Variants in UNC13C observed in about 807,000 individuals in gnomAD.
UNC13C encodes the protein unc-13 homolog C, also known as protein unc-13 homolog C.
In UNC13C, 174 loss-of-function variants were observed where a neutral mutation model predicts 245.4. That is an observed-to-expected ratio of 0.71 (90% CI 0.63 to 0.80). The LOEUF (loss-of-function observed/expected upper bound fraction) is 0.80. UNC13C is among the 30% of genes least tolerant of loss of function. UNC13C has a pLI of 0.00. For missense variants in UNC13C, 2,829 were observed against 2,602.9 expected, an observed-to-expected ratio of 1.09 and a Z score of -1.89; for synonymous variants, 992 against 895.1, an observed-to-expected ratio of 1.11 and a Z score of -1.93.
At chr15:54,096,399 A>C (rs1036888847) in intron 2 of UNC13C, among the ~76,000 whole-genome samples, 1 of 152,130 alleles carries the variant, frequency 6.6e-6, no homozygotes, top group African/African-American at 2.4e-5. Flanking sequence ...GCAAATTTTA[A>C]GAGAGGAACA....
At chr15:54,569,632 T>C (rs532352076) in intron 30 of UNC13C, among the ~76,000 whole-genome samples, 1 of 152,120 alleles carries the variant, frequency 6.6e-6, no homozygotes, top group Non-Finnish European at 1.5e-5. Flanking sequence ...CTATGGTATA[T>C]GGAATTTGGC....
chr15:54,363,728 A>G (rs1660067606), intron 17 of UNC13C, among the ~76,000 whole-genome samples: 1 of 152,184 alleles, frequency 6.6e-6, no homozygotes, highest in Admixed American at 6.5e-5. Flanking sequence ...TATTTGGGTA[A>G]GCTGTCTGTG....
intron 4 of UNC13C, among the ~76,000 whole-genome samples, chr15:54,155,178 T>G (rs2032689515): frequency 6.6e-6 from 1 of 152,182 alleles, no homozygotes; most frequent in Admixed American, 6.6e-5. Context: ...CATGCATGTG[T>G]GGTCAGCCCA....
At chr15:54,322,940 T>C (rs919528115) in intron 14 of UNC13C, among the ~76,000 whole-genome samples, 2 of 151,746 alleles carry the variant, frequency 1.3e-5, no homozygotes, top group African/African-American at 2.4e-5. Context: ...ATTCCCAGGT[T>C]TCTGGTCAGG....
intron 18 of UNC13C, among the ~76,000 whole-genome samples, chr15:54,395,484 G>C (rs1451175623): frequency 6.6e-6 from 1 of 151,852 alleles, no homozygotes; most frequent in African/African-American, 2.4e-5. Flanking sequence ...AATTGACACA[G>C]AAGTCTGCAA....
At position 54,103,578 on chromosome 15, in the gene UNC13C, G is replaced by A. The variant is rs186330558; in HGVS notation, c.2984-39440G>A. Among the ~76,000 whole-genome samples, 419 of 152,130 alleles carry A rather than the reference G, an allele frequency of 2.8e-3. 4 individuals are homozygous for A. Among genetic ancestry groups the A allele is most frequent in the African/African-American group, 9.8e-3 (405 of 41,502 alleles). On this transcript the variant is annotated intron_variant, in intron 2 of 32. Transcript: ENST00000260323. The stretch of plus-strand genomic sequence containing the variant: ...CCCAACACAATCCTTCTACTAAATT[G>A]TCTTAGCTGACTATCTTGTTTCCCT...
At chr15:54,278,302 A>T (rs1016268993) in intron 10 of UNC13C, among the ~76,000 whole-genome samples, 4 of 152,146 alleles carry the variant, frequency 2.6e-5, no homozygotes, top group African/African-American at 9.7e-5. Context: ...AAGTTTCTTT[A>T]CTGCTCCCTA....
At chr15:54,094,547 C>T (rs1379415642) in intron 2 of UNC13C, among the ~76,000 whole-genome samples, 1 of 152,152 alleles carries the variant, frequency 6.6e-6, no homozygotes, top group Non-Finnish European at 1.5e-5. Flanking sequence ...TTTAAAACAA[C>T]TGTTTGTCTT....
intron 2 of UNC13C, chr15:54,050,079 C>T: frequency 3.1e-6 from 1 of 323,630 alleles, no homozygotes; most frequent in Non-Finnish European, 6.1e-6. Context: ...AAGCAATTCT[C>T]CTGCCTCAGC....
At chr15:54,527,323 A>G (rs1398546280) in intron 25 of UNC13C, among the ~76,000 whole-genome samples, 1 of 152,176 alleles carries the variant, frequency 6.6e-6, no homozygotes, top group African/African-American at 2.4e-5. Context: ...ACATGGGGTT[A>G]GCAGAAAGAC....
chr15:54,039,884 A>G (rs1896741508), intron 2 of UNC13C, among the ~76,000 whole-genome samples: 1 of 149,826 alleles, frequency 6.7e-6, no homozygotes, highest in East Asian at 2.0e-4. Flanking sequence ...ACTGGATGCA[A>G]TGGCCTCCCT....
At chr15:54,166,375 T>C (rs1278995860) in intron 4 of UNC13C, among the ~76,000 whole-genome samples, 1 of 152,094 alleles carries the variant, frequency 6.6e-6, no homozygotes, top group Non-Finnish European at 1.5e-5. Context: ...CTTAAAAATA[T>C]TATTTCTCCA....
chr15:53,876,895 A>C, the UNC13C span, among the ~76,000 whole-genome samples: 1 of 152,232 alleles, frequency 6.6e-6, no homozygotes, highest in Non-Finnish European at 1.5e-5. Context: ...TATTGTCAAC[A>C]GTTCCAGTTT....
At chr15:53,998,070 T>G (rs555040496) in intron 1 of UNC13C, among the ~76,000 whole-genome samples, 37 of 152,294 alleles carry the variant, frequency 2.4e-4, no homozygotes, top group African/African-American at 8.4e-4. Context: ...CCCAAAGTGC[T>G]AGGATTACAG....
At chr15:54,106,440 G>A (rs1900449575) in intron 2 of UNC13C, among the ~76,000 whole-genome samples, 2 of 152,096 alleles carry the variant, frequency 1.3e-5, no homozygotes, top group Non-Finnish European at 2.9e-5. Flanking sequence ...AATATTTTCA[G>A]GTTTGCTCTT....
At chr15:54,404,568 T>C (rs513395) in intron 18 of UNC13C, among the ~76,000 whole-genome samples, 30,557 of 151,926 alleles carry the variant, frequency 0.2, 3,193 homozygotes, top group South Asian at 0.27. Flanking sequence ...GAAGAAGAGG[T>C]AGAGCTCTAC....
intron 2 of UNC13C, among the ~76,000 whole-genome samples, chr15:54,121,001 C>A (rs770526269): frequency 1.3e-5 from 2 of 151,998 alleles, no homozygotes; most frequent in East Asian, 3.9e-4. Flanking sequence ...TATTGAACAT[C>A]GTTGAAATGA....
intron 10 of UNC13C, among the ~76,000 whole-genome samples, chr15:54,266,129 C>T (rs1359453917): frequency 2.0e-5 from 3 of 151,870 alleles, no homozygotes; most frequent in African/African-American, 7.2e-5. Flanking sequence ...TAAAGACAGT[C>T]TTTTTTCTTT....
intron 30 of UNC13C, among the ~76,000 whole-genome samples, chr15:54,596,683 G>A (rs1899100716): frequency 1.3e-5 from 2 of 152,190 alleles, no homozygotes; most frequent in African/African-American, 2.4e-5. Flanking sequence ...GAGGTGTTTG[G>A]GTTATGGGGG....
Sources: gnomAD v4.1 joint callset for allele counts (sites outside exome capture counted in the v4.1 genomes callset) on GRCh38, gnomAD v4.1.1 for gene constraint, MANE v1.5 for transcripts, NCBI Gene and HGNC (gene_info 2026-07-23, HGNC 2026-07-21) for gene names.